Variants in SYNE1 observed in about 807,000 individuals in gnomAD.
The protein encoded by SYNE1 is spectrin repeat containing nuclear envelope protein 1.
Under a neutral mutation model 1,111.0 loss-of-function variants are expected in SYNE1, and 616 were observed. That is an observed-to-expected ratio of 0.55 (90% CI 0.52 to 0.59). The LOEUF (loss-of-function observed/expected upper bound fraction) is 0.59, where lower values mean the gene tolerates loss of function less well. SYNE1 is among the 20% of genes least tolerant of loss of function. The pLI, the probability that SYNE1 is intolerant of heterozygous loss-of-function variation, is 0.00. For synonymous variants in SYNE1, 3,855 were observed against 3,825.8 expected, an observed-to-expected ratio of 1.01 and a Z score of -0.28; for missense variants, 10,006 against 10,417.0, an observed-to-expected ratio of 0.96 and a Z score of 1.72.
intron 30 of SYNE1, among the ~76,000 whole-genome samples, chr6:152,443,670 T>C (rs913835065): frequency 6.6e-6 from 1 of 152,176 alleles, no homozygotes; most frequent in African/African-American, 2.4e-5. Flanking sequence ...ACAGAATATA[T>C]ATGTATATAA....
In SYNE1 at chr6:152,472,291, A is replaced by G. The variant is rs775481680; in HGVS notation, c.1463+10T>C. 1.2e-6 allele frequency: 2 copies of G among 1,602,196 alleles called. No individual in the cohort carries two copies. The highest frequency in any genetic ancestry group is 3.3e-5 in the Admixed American group (2 of 59,974). ...AAAGAGACTTCCTTTAAATGCAGAT[A>G]TTCTCTTACCTCTCGGCCATGTCCT... On this transcript the variant is annotated intron_variant, in intron 15 of 145. Coordinates refer to ENST00000367255, the MANE Select transcript of SYNE1 (RefSeq NM_182961.4).
At chr6:152,359,633 T>G (rs915777648) in intron 64 of SYNE1, among the ~76,000 whole-genome samples, 175 bp from the exon 65 acceptor site, 19 of 148,770 alleles carry the variant, frequency 1.3e-4, no homozygotes, top group African/African-American at 4.4e-4. Context: ...TGCATGGGTG[T>G]GTGTGTGTGT....
intron 131 of SYNE1, among the ~76,000 whole-genome samples, chr6:152,161,084 G>C (rs2062391879): frequency 6.7e-6 from 1 of 150,276 alleles, no homozygotes; most frequent in Non-Finnish European, 1.5e-5. Flanking sequence ...TAATGCGAGA[G>C]TTTCAAAATC....
intron 66 of SYNE1, among the ~76,000 whole-genome samples, chr6:152,355,383 C>G (rs1295383540): frequency 6.6e-6 from 1 of 152,174 alleles, no homozygotes; most frequent in South Asian, 2.1e-4. Flanking sequence ...ACATTTGTGA[C>G]TGAGAAAGAA....
At chr6:152,488,252 G>A (rs2098951713) in intron 12 of SYNE1, 144 bp downstream of exon 12, 2 of 593,412 alleles carry the variant, frequency 3.4e-6, no homozygotes, top group South Asian at 4.3e-5. Flanking sequence ...TAAATTATAT[G>A]CAAACTTAGG....
At chr6:152,296,667 T>C (rs991945387) in intron 93 of SYNE1, among the ~76,000 whole-genome samples, 3 of 152,270 alleles carry the variant, frequency 2.0e-5, no homozygotes, top group African/African-American at 7.2e-5. Context: ...ATATTTAGTG[T>C]GGCTTATACA....
chr6:152,448,554 G>C (rs2098615077), intron 28 of SYNE1, among the ~76,000 whole-genome samples: 1 of 152,132 alleles, frequency 6.6e-6, no homozygotes, highest in Admixed American at 6.5e-5. Context: ...AATTGAAAAA[G>C]AAATGGGCCA....
intron 5 of SYNE1, among the ~76,000 whole-genome samples, chr6:152,524,574 C>T (rs1020856421): frequency 1.3e-5 from 2 of 151,894 alleles, no homozygotes; most frequent in African/African-American, 4.8e-5. Context: ...AATGCATATG[C>T]CTATATACAT....
At chr6:152,125,297 C>A (rs1181938125) in intron 145 of SYNE1, 13 of 1,550,258 alleles carry the variant, frequency 8.4e-6, no homozygotes, top group East Asian at 4.9e-5. Context: ...AGAAGAGAAT[C>A]CTGAACTTGC....
chr6:152,449,708 ATTT>A, intron 27 of SYNE1, 67 bp from the exon 28 acceptor site: 1 of 1,243,106 alleles, frequency 8.0e-7, no homozygotes, highest in Non-Finnish European at 1.2e-6. Context: ...TATGTTTTCT[ATTT>A]TGAATTCACT....
chr6:152,149,175 A>G (rs1442049504), intron 136 of SYNE1, among the ~76,000 whole-genome samples: 1 of 152,240 alleles, frequency 6.6e-6, no homozygotes, highest in African/African-American at 2.4e-5. Context: ...TCCATAGAAG[A>G]TATGAGCCAA....
In SYNE1 at chr6:152,330,001, C is replaced by A. The variant is rs779012749; in HGVS notation, c.14684G>T (p.Arg4895Leu). The change falls in exon 78 of 146, where the codon CGC becomes CTC. Residue 4895 changes from arginine to leucine, a missense_variant. By Grantham distance (102) the Arg-to-Leu change is moderately radical. This residue lies in a region of SYNE1 where 4,955 missense variants were observed against 5,017.2 expected (regional missense o/e 0.99). Coordinates refer to ENST00000367255, the MANE Select transcript of SYNE1 (RefSeq NM_182961.4). ...QSIDFQTEMS[R>L]SLDWLRRVKA... ...CACTCTCCTCAGCCAGTCCAGGGAG[C>A]GACTCATCTCAGTCTGGAAGTCTAT... 2.5e-6 allele frequency: 4 copies of A among 1,614,198 alleles called. No homozygotes were observed. Among genetic ancestry groups the A allele is most frequent in the Non-Finnish European group, 3.4e-6 (4 of 1,180,040 alleles).
intron 110 of SYNE1, among the ~76,000 whole-genome samples, chr6:152,235,659 C>T (rs2083850598): frequency 6.6e-6 from 1 of 152,178 alleles, no homozygotes; most frequent in Admixed American, 6.5e-5. Context: ...CTGCACCTGG[C>T]CTCTGCTTAT....
Position 152,329,831 on chromosome 6 carries a change from A to G in SYNE1, c.14854T>C (p.Phe4952Leu), listed in dbSNP as rs1044018341. The G allele has an allele frequency of 1.2e-6, 2 of 1,614,130 alleles. No individual in the cohort carries two copies. Among genetic ancestry groups the G allele is most frequent in the Admixed American group, 3.3e-5 (2 of 60,016 alleles). ...GAAATCAGCTCCTTGGCCTTTGTGA[A>G]CTTCTCCTTTTCCTTGTGACTCAGC... ...NALSHKEKEK[F>L]TKAKELISAD... The change falls in exon 78 of 146, where the codon TTC becomes CTC. Residue 4952 changes from phenylalanine to leucine, a missense_variant. Around this residue, in one of 7 missense-constraint regions of SYNE1, gnomAD observed 4,955 missense variants for 5,017.2 expected, o/e 0.99. Coordinates refer to ENST00000367255, the MANE Select transcript of SYNE1 (RefSeq NM_182961.4).
In SYNE1 at chr6:152,353,312, A is replaced by G. The variant is rs772709393; in HGVS notation, c.11204T>C (p.Ile3735Thr). 1 of 1,614,198 alleles carries G rather than the reference A, an allele frequency of 6.2e-7. No homozygotes were observed. The highest frequency in any genetic ancestry group is 8.5e-7 in the Non-Finnish European group (1 of 1,180,048). Residue 3735 changes from isoleucine (I) to threonine (T), a missense_variant, in exon 69 of 146, where the codon ATT (isoleucine) becomes ACT (threonine). By Grantham distance (89) the Ile-to-Thr change is moderately conservative. Transcript: ENST00000367255. ...HKNFKNVATK[I>T]DKVDTVMMGK... ...CATCATTACTGTATCTACTTTGTCA[A>G]TCTTGGTAGCCACATTCTTGAAGTT...
chr6:152,136,829 C>G lies in SYNE1; in HGVS notation c.25459-11G>C, dbSNP rs774398809. ...AGCTTTCTGGAGCTCCTGAAAAGAA[C>G]AAAAAAGACAATCAAACAAGGACAA... On this transcript the variant is annotated splice_polypyrimidine_tract_variant and intron_variant, in intron 140 of 145. Transcript: ENST00000367255. 3.1e-6 allele frequency: 5 copies of G among 1,613,298 alleles called. No individual in the cohort carries two copies. The highest frequency in any genetic ancestry group is 4.2e-6 in the Non-Finnish European group (5 of 1,179,320).
At position 152,191,082 on chromosome 6, in the gene SYNE1, T is replaced by G. The variant is rs866520232; in HGVS notation, c.23146-1675A>C. Among the ~76,000 whole-genome samples the G allele has an allele frequency of 2.0e-4, 30 of 152,382 alleles. 1 individual carries two copies. Among genetic ancestry groups the G allele is most frequent in the African/African-American group, 7.2e-4 (30 of 41,592 alleles). ...GATCTGATGTACACATTGATTAATT[T>G]GAGAATGTTCAACCATCATTGCATC... On this transcript the variant is annotated intron_variant, in intron 127 of 145. Coordinates refer to ENST00000367255, the MANE Select transcript of SYNE1 (RefSeq NM_182961.4).
chr6:152,416,962 AC>A lies in SYNE1; in HGVS notation c.5474del (p.Gly1825ValfsTer3). Reference protein sequence around the residue: ...SKKGELQSLQGHLAKLGSLGR... With the variant: ...SKKGELQSLQXHLAKLGSLGR... The stretch of plus-strand genomic sequence containing the variant: ...CCAGAGAACCCAACTTTGCTAAGTG[AC>A]CCTGCAGACTCTGCAATTCGCCCTT... On this transcript the variant is annotated frameshift_variant, in exon 41 of 146. Coordinates refer to ENST00000367255, the MANE Select transcript of SYNE1 (RefSeq NM_182961.4). LOFTEE classifies it high-confidence loss of function. 1 of 1,614,128 alleles carries A rather than the reference AC, an allele frequency of 6.2e-7. No individual in the cohort carries two copies. The highest frequency in any genetic ancestry group is 8.5e-7 in the Non-Finnish European group (1 of 1,180,032).
chr6:152,261,956 T>C, intron 101 of SYNE1, 76 bp downstream of exon 101: 3 of 1,230,912 alleles, frequency 2.4e-6, no homozygotes, highest in Non-Finnish European at 3.3e-6. Context: ...ATTAAGTTGA[T>C]TGCACAGTTA....
Sources: allele counts gnomAD v4.1 joint callset (sites outside exome capture counted in the v4.1 genomes callset), GRCh38; gene constraint gnomAD v4.1.1; regional missense constraint gnomAD v4.1.1; transcripts MANE v1.5; gene names NCBI Gene and HGNC (gene_info 2026-07-23, HGNC 2026-07-21).